Variants in DNAH10 observed in about 807,000 individuals in gnomAD.
DNAH10 encodes axonemal beta dynein heavy chain 10.
DNAH10 carries 348 observed loss-of-function variants against 506.6 expected under a neutral mutation model. The ratio of observed to expected loss-of-function variants is 0.69; its 90% CI spans 0.63 to 0.75. The LOEUF is 0.75. DNAH10 is among the 30% of genes least tolerant of loss of function. DNAH10 has a pLI of 0.00. For missense variants in DNAH10, 5,179 were observed against 5,787.1 expected (o/e 0.89, Z 3.41); for synonymous variants, 2,059 against 2,198.6 (o/e 0.94, Z 1.78).
rs1566128755 is a variant in DNAH10 at position 123,933,477 on chromosome 12, G to C, written c.13443G>C (p.Gln4481His). The C allele has an allele frequency of 6.2e-7, 1 of 1,610,388 alleles. No individual in the cohort carries two copies. Among genetic ancestry groups the C allele is most frequent in the East Asian group, 2.2e-5 (1 of 44,626 alleles). Residue 4481 changes from glutamine (Q) to histidine (H), a missense_variant, in exon 77 of 79, where the codon CAG becomes CAC. Around this residue, in one of 3 missense-constraint regions of DNAH10, gnomAD observed 4,844 missense variants for 5,430.5 expected, o/e 0.89. Transcript: ENST00000673944. ...TGTTCACACAAGTGACCAAGTTCCA[G>C]GATGCAGATGAAGTGAATGAGCGGG... ...STLFTQVTKFQDADEVNERAG... is the reference protein window; with the variant it reads ...STLFTQVTKFHDADEVNERAG...
Position 123,873,649 on chromosome 12 carries a change from CT to C in DNAH10, c.7879del (p.Tyr2627ThrfsTer16). The C allele has an allele frequency of 1.2e-6, 2 of 1,613,776 alleles. No homozygotes were observed. Among genetic ancestry groups the C allele is most frequent in the Non-Finnish European group, 1.7e-6 (2 of 1,179,804 alleles). Reference protein sequence around the residue: ...EANVEKRTKDTYGPPMGKRLL... With the variant: ...EANVEKRTKDXYGPPMGKRLL... ...AATGTGGAAAAGCGAACCAAAGATA[CT>C]TACGGCCCACCCATGGGAAAACGCC... On this transcript the variant is annotated frameshift_variant, in exon 46 of 79. Coordinates refer to ENST00000673944, the MANE Select transcript of DNAH10 (RefSeq NM_001372106.1). LOFTEE classifies it high-confidence loss of function.
intron 12 of DNAH10, among the ~76,000 whole-genome samples, chr12:123,796,455 T>TCAA (rs34059604): frequency 0.19 from 28,512 of 151,630 alleles, 3,929 homozygotes; most frequent in African/African-American, 0.39. Flanking sequence ...AGACTCTGCC[T>TCAA]CAACAACAAC....
chr12:123,765,095 C>T (rs1005893347), intron 1 of DNAH10, among the ~76,000 whole-genome samples: 7 of 151,870 alleles, frequency 4.6e-5, no homozygotes, highest in African/African-American at 1.2e-4. Context: ...TCTTTCTGCC[C>T]CCCTTCCCCG....
rs1222805140 is a variant in DNAH10 at position 123,919,890 on chromosome 12, T to C, written c.11506+941T>C. Among the ~76,000 whole-genome samples, 1 of 152,252 alleles carries C rather than the reference T, an allele frequency of 6.6e-6. No homozygotes were observed. The highest frequency in any genetic ancestry group is 1.5e-5 in the Non-Finnish European group (1 of 68,044). ...ATGGGCATTTGGGTTGTTTCGCTTG[T>C]TTTGCTATTAAGGCAATGCTCCTGT... is the stretch of plus-strand genomic sequence containing the variant. On this transcript the variant is annotated intron_variant, in intron 65 of 78. Transcript: ENST00000673944. The surrounding 1 kb of genome is among the most constrained non-coding windows in gnomAD (Gnocchi z 4.9).
chr12:123,767,944 G>A (rs1957109228), intron 2 of DNAH10, among the ~76,000 whole-genome samples: 1 of 152,146 alleles, frequency 6.6e-6, no homozygotes, highest in Non-Finnish European at 1.5e-5. Flanking sequence ...CCAAAATCAA[G>A]GTGCTGGCAG....
At chr12:123,772,996 T>G in intron 4 of DNAH10, 54 bp downstream of exon 4, 1 of 1,242,314 alleles carries the variant, frequency 8.0e-7, no homozygotes, top group Non-Finnish European at 1.2e-6. Flanking sequence ...TGGTTGTGCA[T>G]GCACTTGTTC....
At chr12:123,869,769 C>G (rs1244526052) in intron 43 of DNAH10, among the ~76,000 whole-genome samples, 1 of 152,202 alleles carries the variant, frequency 6.6e-6, no homozygotes, top group African/African-American at 2.4e-5. Context: ...GTTCAGTCTC[C>G]GCCTCTCTAC....
At chr12:123,766,731 T>C (rs1957061027) in intron 1 of DNAH10, among the ~76,000 whole-genome samples, 2 of 152,154 alleles carry the variant, frequency 1.3e-5, no homozygotes, top group African/African-American at 4.8e-5. Flanking sequence ...CAGCCAGTGG[T>C]GGTGGATGAG....
chr12:123,878,374 G>T (rs2137035595), intron 48 of DNAH10, among the ~76,000 whole-genome samples: 1 of 152,286 alleles, frequency 6.6e-6, no homozygotes, highest in East Asian at 1.9e-4. Flanking sequence ...AGTCTATGTG[G>T]ATTTGCAAGC....
chr12:123,784,071 C>A lies in DNAH10; in HGVS notation c.1124C>A (p.Ser375Tyr). 2 of 1,614,224 alleles carry A rather than the reference C, an allele frequency of 1.2e-6. No individual in the cohort carries two copies. The highest frequency in any genetic ancestry group is 1.6e-4 in the Middle Eastern group (1 of 6,062). The change falls in exon 8 of 79, where the codon TCC becomes TAC. Residue 375 changes from serine to tyrosine, a missense_variant. Physicochemically the swap from Ser to Tyr is moderately radical, Grantham distance 144 (BLOSUM62 -2). Transcript: ENST00000673944. ...KVLDVIKESDSMLVANLQPVF... is the reference protein window; with the variant it reads ...KVLDVIKESDYMLVANLQPVF... The stretch of plus-strand genomic sequence containing the variant: ...TTGGATGTGATCAAGGAATCCGACT[C>A]CATGCTTGTGGCTAATCTGCAGCCA...
chr12:123,866,282 C>T (rs907570843), intron 41 of DNAH10, among the ~76,000 whole-genome samples: 2 of 115,140 alleles, frequency 1.7e-5, no homozygotes, highest in Non-Finnish European at 3.3e-5. Context: ...CTCGCTCTGT[C>T]ACCCAGGCTG....
chr12:123,762,636 T>C lies in DNAH10; in HGVS notation c.214+86T>C. The C allele has an allele frequency of 7.2e-7, 1 of 1,385,586 alleles. No individual in the cohort carries two copies. The highest frequency in any genetic ancestry group is 9.7e-7 in the Non-Finnish European group (1 of 1,035,918). The allele number at this position is 1,385,586 out of a possible 1,614,324, so 85.8% of individuals were successfully genotyped here. On this transcript the variant is annotated intron_variant, in intron 1 of 78. Coordinates refer to ENST00000673944, the MANE Select transcript of DNAH10 (RefSeq NM_001372106.1). This position sits in a 1 kb window ranked among gnomAD's most constrained non-coding sequence, Gnocchi z 5.0. ...GGCGGGCGCCGGGGCTGCTAGAGCC[T>C]GCCCATCGTCCGGCCCCGGCCTCAG... is the stretch of plus-strand genomic sequence containing the variant.
chr12:123,930,930 A>G (rs2137715859), intron 73 of DNAH10, among the ~76,000 whole-genome samples: 1 of 152,296 alleles, frequency 6.6e-6, no homozygotes, highest in East Asian at 1.9e-4. Flanking sequence ...CGCACCTGTA[A>G]TCCCTTCTTT....
At chr12:123,796,478 A>G (rs1958281371) in intron 12 of DNAH10, among the ~76,000 whole-genome samples, 178 bp from the exon 13 acceptor site, 1 of 152,144 alleles carries the variant, frequency 6.6e-6, no homozygotes, top group Non-Finnish European at 1.5e-5. Context: ...CAACAAAAAG[A>G]TTACTACAGA....
chr12:123,867,822 G>A, intron 42 of DNAH10, 81 bp from the exon 43 acceptor site: 1 of 1,445,504 alleles, frequency 6.9e-7, no homozygotes, highest in South Asian at 1.3e-5. Context: ...TCTGGGACCT[G>A]GGATCCCAGG....
At chr12:123,924,619 C>T (rs1301670426) in intron 67 of DNAH10, among the ~76,000 whole-genome samples, 187 bp downstream of exon 67, 3 of 151,484 alleles carry the variant, frequency 2.0e-5, no homozygotes, top group Non-Finnish European at 4.4e-5. Flanking sequence ...ATGGGAGATC[C>T]AACCATCTAC....
In DNAH10 at chr12:123,845,845, T is replaced by C. The variant is rs1417665530; in HGVS notation, c.5606T>C (p.Ile1869Thr). Residue 1869 changes from isoleucine to threonine, a missense_variant, in exon 31 of 79, where the codon ATA becomes ACA. By Grantham distance (89) the Ile-to-Thr change is moderately conservative. Transcript: ENST00000673944. ...VLIIDVHARD[I>T]VDSFIRGSIL... is the part of the protein sequence containing the mutation. Reference sequence around the variant, plus strand: ...ATCATTGATGTGCATGCCAGAGACATAGTTGATTCTTTCATAAGAGGCAGG... The same window carrying C: ...ATCATTGATGTGCATGCCAGAGACACAGTTGATTCTTTCATAAGAGGCAGG... The C allele has an allele frequency of 1.2e-5, 20 of 1,613,862 alleles. No individual in the cohort carries two copies. Among genetic ancestry groups the C allele is most frequent in the Non-Finnish European group, 1.6e-5 (19 of 1,179,842 alleles).
Position 123,781,299 on chromosome 12 carries a change from G to A in DNAH10, c.841G>A (p.Gly281Ser). The A allele has an allele frequency of 2.5e-6, 4 of 1,608,562 alleles. No homozygotes were observed. The highest frequency in any genetic ancestry group is 3.4e-6 in the Non-Finnish European group (4 of 1,176,962). The change falls in exon 6 of 79, where the codon GGT becomes AGT. Residue 281 changes from glycine (G) to serine (S), a missense_variant and splice_region_variant. Around this residue, in one of 3 missense-constraint regions of DNAH10, gnomAD observed 4,844 missense variants for 5,430.5 expected, o/e 0.89. Coordinates refer to ENST00000673944, the MANE Select transcript of DNAH10 (RefSeq NM_001372106.1). ...NIQRTMQQLE[G>S]EIKLEMPIIS... is the part of the protein sequence containing the mutation. Reference sequence around the variant, plus strand: ...TCAAAGAACCATGCAGCAACTTGAAGGTAAGGTTTCATTTTCCTCCTTTTT... The same window carrying A: ...TCAAAGAACCATGCAGCAACTTGAAAGTAAGGTTTCATTTTCCTCCTTTTT...
intron 52 of DNAH10, among the ~76,000 whole-genome samples, chr12:123,888,171 G>T (rs1274663911): frequency 1.3e-5 from 2 of 152,000 alleles, no homozygotes; most frequent in Non-Finnish European, 2.9e-5. Context: ...TCATGTTATG[G>T]CACTCCAGCC....
Sources: gnomAD v4.1 joint callset for allele counts (sites outside exome capture counted in the v4.1 genomes callset) on GRCh38, gnomAD v4.1.1 for gene constraint, gnomAD v4.1.1 regional missense constraint, Gnocchi (gnomAD v3.1) non-coding constraint, MANE v1.5 for transcripts, NCBI Gene and HGNC (gene_info 2026-07-23, HGNC 2026-07-21) for gene names.